The following MAP2K4 variants were observed in gnomAD, a reference collection of about 807,000 sequenced individuals.
MAP2K4 encodes dual specificity mitogen-activated protein kinase kinase 4.
A neutral mutation model predicts 48.5 loss-of-function variants in MAP2K4; 4 were observed. That is an observed-to-expected ratio of 0.08 (90% CI 0.04 to 0.19). The LOEUF (loss-of-function observed/expected upper bound fraction) is 0.19, where lower values mean the gene tolerates loss of function less well. Among genes scored for constraint, MAP2K4 ranks in the 10% least tolerant of loss-of-function variants. The pLI, the probability that MAP2K4 is intolerant of heterozygous loss-of-function variation, is 1.00. For synonymous variants in MAP2K4, 166 were observed against 173.1 expected (o/e 0.96, Z 0.32); for missense variants, 258 against 493.3 (o/e 0.52, Z 4.52).
intron 1 of MAP2K4, among the ~76,000 whole-genome samples, chr17:12,023,506 C>G (rs1183923443): frequency 6.6e-6 from 1 of 152,122 alleles, no homozygotes; most frequent in Non-Finnish European, 1.5e-5. Context: ...ACTTGCCACT[C>G]AAAAAACTTC....
intron 3 of MAP2K4, among the ~76,000 whole-genome samples, chr17:12,084,500 C>T (rs1393376031): frequency 6.6e-6 from 1 of 152,188 alleles, no homozygotes; most frequent in African/African-American, 2.4e-5. Flanking sequence ...TCTTAAAGCT[C>T]AGGGAGAACA....
At chr17:12,121,501 G>C (rs930793298) in intron 7 of MAP2K4, among the ~76,000 whole-genome samples, 2 of 151,568 alleles carry the variant, frequency 1.3e-5, no homozygotes, top group African/African-American at 2.4e-5. Context: ...CGGGAACCCG[G>C]GAGGCGGAGC....
chr17:12,116,885 C>T (rs1362944093), intron 7 of MAP2K4, among the ~76,000 whole-genome samples: 1 of 152,082 alleles, frequency 6.6e-6, no homozygotes, highest in Non-Finnish European at 1.5e-5. Flanking sequence ...ATGTGCTATA[C>T]TTTTAAATGA....
intron 7 of MAP2K4, chr17:12,115,887 G>A: frequency 1.6e-6 from 1 of 627,018 alleles, no homozygotes; most frequent in Non-Finnish European, 3.1e-6. Context: ...CTGTGTATTG[G>A]ACCTCCTAGT....
chr17:12,080,506 G>A (rs560465431), intron 2 of MAP2K4, among the ~76,000 whole-genome samples: 8 of 152,208 alleles, frequency 5.3e-5, no homozygotes, highest in Non-Finnish European at 7.4e-5. Flanking sequence ...TTGATCTCCA[G>A]GTTGAGATTT....
intron 8 of MAP2K4, among the ~76,000 whole-genome samples, chr17:12,126,242 T>C (rs572230346): frequency 2.6e-5 from 4 of 152,258 alleles, no homozygotes; most frequent in African/African-American, 9.6e-5. Flanking sequence ...AGTTCTACCT[T>C]AGAACAACAC....
At chr17:12,026,253 C>T (rs1405507853) in intron 1 of MAP2K4, among the ~76,000 whole-genome samples, 1 of 152,088 alleles carries the variant, frequency 6.6e-6, no homozygotes, top group Non-Finnish European at 1.5e-5. Flanking sequence ...TATTTTGAGT[C>T]GTTTTCTTTT....
intron 3 of MAP2K4, among the ~76,000 whole-genome samples, chr17:12,090,725 A>G (rs1971535694): frequency 6.6e-6 from 1 of 152,190 alleles, no homozygotes; most frequent in Non-Finnish European, 1.5e-5. Context: ...AAAAGTCACC[A>G]TTATGATGGG....
chr17:12,104,431 T>A (rs547287083), intron 4 of MAP2K4, among the ~76,000 whole-genome samples: 1 of 152,254 alleles, frequency 6.6e-6, no homozygotes, highest in South Asian at 2.1e-4. Context: ...ACAGATCTCC[T>A]TTTACCTGGT....
In MAP2K4 at chr17:12,067,782, G is replaced by C. The variant is rs893644558; in HGVS notation, c.218+12791G>C. Reference sequence around the variant, plus strand: ...AATGTTTGTTGAATGTCTGCCATCTGCTAGTTACTATGGTGTGGGCATAGG... The same window carrying C: ...AATGTTTGTTGAATGTCTGCCATCTCCTAGTTACTATGGTGTGGGCATAGG... On this transcript the variant is annotated intron_variant, in intron 2 of 10. Transcript: ENST00000353533. 2.0e-5 allele frequency among the ~76,000 whole-genome samples: 3 copies of C among 152,180 alleles called. No homozygotes were observed. The South Asian group carries it at 6.2e-4, about 32-fold the overall frequency.
At chr17:12,024,153 G>T (rs928042420) in intron 1 of MAP2K4, among the ~76,000 whole-genome samples, 2 of 152,026 alleles carry the variant, frequency 1.3e-5, no homozygotes, top group Admixed American at 6.6e-5. Flanking sequence ...TCAAACTCCG[G>T]ATCTGTTTTT....
chr17:12,134,444 A>G (rs547150643), intron 9 of MAP2K4, among the ~76,000 whole-genome samples: 1 of 152,360 alleles, frequency 6.6e-6, no homozygotes, highest in East Asian at 1.9e-4. Flanking sequence ...AAATGGTGGC[A>G]CACAGCAGAT....
At chr17:12,079,834 G>T (rs1283060753) in intron 2 of MAP2K4, among the ~76,000 whole-genome samples, 1 of 151,992 alleles carries the variant, frequency 6.6e-6, no homozygotes, top group African/African-American at 2.4e-5. Flanking sequence ...TCCTATTTTT[G>T]CCTAGACCTG....
chr17:12,041,547 A>G (rs867113475), intron 1 of MAP2K4, among the ~76,000 whole-genome samples: 13 of 152,332 alleles, frequency 8.5e-5, no homozygotes, highest in South Asian at 6.2e-4. Flanking sequence ...ATGTCTGACT[A>G]ATTTTTGTGT....
At chr17:12,132,830 G>C (rs993013951) in intron 9 of MAP2K4, among the ~76,000 whole-genome samples, 1 of 152,166 alleles carries the variant, frequency 6.6e-6, no homozygotes, top group African/African-American at 2.4e-5. Context: ...TTCCTTAGGG[G>C]TATTTATGGA....
chr17:12,031,104 CCTT>C (rs1436532090), intron 1 of MAP2K4, among the ~76,000 whole-genome samples: 1 of 152,172 alleles, frequency 6.6e-6, no homozygotes, highest in African/African-American at 2.4e-5. Context: ...CAGGGTCAGA[CCTT>C]CTAGGTTTGC....
intron 2 of MAP2K4, among the ~76,000 whole-genome samples, chr17:12,076,263 A>T (rs566176368): frequency 1.7e-3 from 254 of 145,464 alleles, no homozygotes; most frequent in Non-Finnish European, 3.3e-3. Context: ...ATGTTCTGGG[A>T]CATTATGTCA....
chr17:12,128,091 T>C (rs1484164099), intron 8 of MAP2K4, among the ~76,000 whole-genome samples: 1 of 152,214 alleles, frequency 6.6e-6, no homozygotes, highest in East Asian at 1.9e-4. Flanking sequence ...TTTCTTTTGT[T>C]TTTTGAGATG....
chr17:12,103,840 T>C (rs1177229912), intron 4 of MAP2K4, among the ~76,000 whole-genome samples: 1 of 152,216 alleles, frequency 6.6e-6, no homozygotes, highest in Non-Finnish European at 1.5e-5. Context: ...AGATTCGTAA[T>C]ATACAGATTT....
Sources: allele counts gnomAD v4.1 joint callset (sites outside exome capture counted in the v4.1 genomes callset), GRCh38; gene constraint gnomAD v4.1.1; transcripts MANE v1.5; gene names NCBI Gene and HGNC (gene_info 2026-07-23, HGNC 2026-07-21).